Variants in SLC24A3 observed in about 807,000 individuals in gnomAD.
The protein encoded by SLC24A3 is solute carrier family 24 member 3.
A neutral mutation model predicts 75.8 loss-of-function variants in SLC24A3; 28 were observed. That is an observed-to-expected ratio of 0.37 (90% CI 0.27 to 0.51). The LOEUF (loss-of-function observed/expected upper bound fraction) is 0.51, where lower values mean the gene tolerates loss of function less well. Ranked by LOEUF, SLC24A3 falls within the 20% of genes least tolerant of loss-of-function variation. The pLI, the probability that SLC24A3 is intolerant of heterozygous loss-of-function variation, is 0.94. For missense variants in SLC24A3, 663 were observed against 847.8 expected (o/e 0.78, Z 2.71); for synonymous variants, 372 against 334.1 (o/e 1.11, Z -1.24).
intron 1 of SLC24A3, among the ~76,000 whole-genome samples, chr20:19,266,440 C>G (rs774355542): frequency 9.9e-5 from 15 of 152,190 alleles, no homozygotes; most frequent in Non-Finnish European, 1.9e-4. Context: ...TAACTGTACT[C>G]TAGGCATGAA....
intron 1 of SLC24A3, among the ~76,000 whole-genome samples, chr20:19,241,533 G>A (rs565708640): frequency 6.6e-6 from 1 of 152,296 alleles, no homozygotes; most frequent in South Asian, 2.1e-4. Flanking sequence ...CGCTTTGGCC[G>A]GGGTAGCTCT....
chr20:19,274,481 T>C (rs929331277), intron 1 of SLC24A3, among the ~76,000 whole-genome samples: 3 of 152,100 alleles, frequency 2.0e-5, no homozygotes, highest in Admixed American at 6.5e-5. Flanking sequence ...GTTTGGGGGA[T>C]GTGTGGCCCT....
intron 2 of SLC24A3, among the ~76,000 whole-genome samples, chr20:19,420,219 A>C (rs916370330): frequency 2.1e-4 from 8 of 37,684 alleles, no homozygotes; most frequent in Middle Eastern, 6.3e-3. Flanking sequence ...TTCTTAATCC[A>C]GTCTATCATT....
At chr20:19,237,992 G>A (rs1982216659) in intron 1 of SLC24A3, among the ~76,000 whole-genome samples, 1 of 152,200 alleles carries the variant, frequency 6.6e-6, no homozygotes, top group African/African-American at 2.4e-5. Context: ...GGTGCAGAGA[G>A]AATGTGATTC....
Position 19,346,117 on chromosome 20 carries a change from T to TATATATG in SLC24A3, c.271+65030_271+65031insATATATG, listed in dbSNP as rs1450480007. Among the ~76,000 whole-genome samples the TATATATG allele has an allele frequency of 1.7e-3, 113 of 68,478 alleles. 28 individuals carry two copies. The highest frequency in any genetic ancestry group is 0.01 in the African/African-American group (107 of 10,548). The allele number at this position is 68,478 out of a possible 152,430, so 44.9% of individuals were successfully genotyped here. On this transcript the variant is annotated intron_variant, in intron 2 of 16. Transcript: ENST00000328041. ...TATATATATATATATATGGTGTGTGTGTGTGTGTATATATATATATGGTGT... is the reference window on the plus strand; with the variant it reads ...TATATATATATATATATGGTGTGTGTATATATGGTGTGTGTATATATATATATGGTGT...
intron 2 of SLC24A3, among the ~76,000 whole-genome samples, chr20:19,339,620 AC>A (rs1327546850): frequency 6.6e-6 from 1 of 152,136 alleles, no homozygotes; most frequent in Non-Finnish European, 1.5e-5. Context: ...GAGAGATACC[AC>A]CCCGATCTAC....
intron 3 of SLC24A3, among the ~76,000 whole-genome samples, chr20:19,577,732 T>A (rs368377353): frequency 6.6e-6 from 1 of 152,264 alleles, no homozygotes; most frequent in South Asian, 2.1e-4. Context: ...ATTGTAATGC[T>A]GTTTTTCATT....
At chr20:19,498,444 C>T (rs553468133) in intron 2 of SLC24A3, among the ~76,000 whole-genome samples, 69 of 151,772 alleles carry the variant, frequency 4.5e-4, no homozygotes, top group Non-Finnish European at 8.8e-5. Context: ...CCCTCCCCCA[C>T]CCCCACACCT....
At chr20:19,542,635 T>A (rs2030521229) in intron 3 of SLC24A3, among the ~76,000 whole-genome samples, 1 of 152,152 alleles carries the variant, frequency 6.6e-6, no homozygotes, top group Non-Finnish European at 1.5e-5. Flanking sequence ...AGCTGACACG[T>A]CTTTGCTACT....
intron 4 of SLC24A3, 63 bp downstream of exon 4, chr20:19,580,137 T>A: frequency 7.1e-7 from 1 of 1,416,838 alleles, no homozygotes; most frequent in Non-Finnish European, 9.9e-7. Flanking sequence ...TGCCCTGTAC[T>A]GTTCCAGCCT....
chr20:19,475,074 C>T (rs1247342086), intron 2 of SLC24A3, among the ~76,000 whole-genome samples: 2 of 152,312 alleles, frequency 1.3e-5, no homozygotes, highest in South Asian at 4.1e-4. Context: ...CGCGGTGGCT[C>T]ACGCCTGTAA....
intron 2 of SLC24A3, among the ~76,000 whole-genome samples, chr20:19,365,080 A>G (rs1985864049): frequency 6.6e-6 from 1 of 152,090 alleles, no homozygotes; most frequent in Non-Finnish European, 1.5e-5. Flanking sequence ...AGAGCCATGC[A>G]GCTGTGCCAG....
chr20:19,397,637 T>C (rs899720635), intron 2 of SLC24A3, among the ~76,000 whole-genome samples: 1 of 119,314 alleles, frequency 8.4e-6, no homozygotes, highest in South Asian at 2.6e-4. Flanking sequence ...TTGTGCTTTT[T>C]TTTTCTTTTC....
chr20:19,631,789 A>AGTGTGTGTGT (rs1317875244), intron 6 of SLC24A3, among the ~76,000 whole-genome samples: 1 of 98,526 alleles, frequency 1.0e-5, no homozygotes, highest in African/African-American at 3.7e-5. Flanking sequence ...TGTATGAGTG[A>AGTGTGTGTGT]GAGTGTGTGT....
At chr20:19,338,130 A>G (rs193160859) in intron 2 of SLC24A3, among the ~76,000 whole-genome samples, 2 of 152,342 alleles carry the variant, frequency 1.3e-5, no homozygotes, top group East Asian at 3.9e-4. Flanking sequence ...ATGGTAAAAA[A>G]TATACTGTTT....
intron 3 of SLC24A3, among the ~76,000 whole-genome samples, chr20:19,556,270 TCTC>T (rs1439374551): frequency 6.6e-6 from 1 of 152,144 alleles, no homozygotes; most frequent in African/African-American, 2.4e-5. Context: ...CTGTTTCTCA[TCTC>T]CTTCTCTATG....
chr20:19,462,625 G>A (rs552933633), intron 2 of SLC24A3, among the ~76,000 whole-genome samples: 65 of 152,308 alleles, frequency 4.3e-4, no homozygotes, highest in African/African-American at 1.5e-3. Context: ...ACGTGCTTGT[G>A]CGCTCCTGGC....
intron 12 of SLC24A3, among the ~76,000 whole-genome samples, chr20:19,691,162 G>A (rs1158764918): frequency 2.0e-5 from 3 of 152,266 alleles, no homozygotes; most frequent in South Asian, 2.1e-4. Flanking sequence ...GGAAATATTC[G>A]CATGAAACAA....
intron 15 of SLC24A3, among the ~76,000 whole-genome samples, chr20:19,707,543 A>T (rs2032943748): frequency 6.6e-6 from 1 of 152,252 alleles, no homozygotes; most frequent in African/African-American, 2.4e-5. Flanking sequence ...TTACATTTTA[A>T]GATTACACTG....
Sources: allele counts gnomAD v4.1 joint callset (sites outside exome capture counted in the v4.1 genomes callset), GRCh38; gene constraint gnomAD v4.1.1; transcripts MANE v1.5; gene names NCBI Gene and HGNC (gene_info 2026-07-23, HGNC 2026-07-21).